NEB: variants seen among roughly 807,000 people sequenced by gnomAD.
NEB encodes nebulin.
A neutral mutation model predicts 952.2 loss-of-function variants in NEB; 512 were observed. The ratio of observed to expected loss-of-function variants is 0.54; its 90% confidence interval spans 0.50 to 0.58. NEB has a LOEUF of 0.58. Among genes scored for constraint, NEB ranks in the 20% least tolerant of loss-of-function variants. The pLI, the probability that NEB is intolerant of heterozygous loss-of-function variation, is 0.00. For synonymous variants in NEB, 2,900 were observed against 3,149.8 expected, an observed-to-expected ratio of 0.92 and a Z score of 2.66; for missense variants, 8,428 against 9,231.1, an observed-to-expected ratio of 0.91 and a Z score of 3.56.
rs201071685 is a variant in NEB at position 151,548,376 on chromosome 2, C to T, written c.20089G>A (p.Gly6697Arg). 6.4e-4 allele frequency: 1,036 copies of T among 1,613,748 alleles called. 15 individuals carry two copies. The South Asian group carries it at 0.011, about 17-fold the overall frequency. The change falls in exon 131 of 182, where the codon GGG (glycine) becomes AGG (arginine). Residue 6697 changes from glycine to arginine, a missense_variant. Coordinates refer to ENST00000397345, the MANE Select transcript of NEB (RefSeq NM_001164508.2). ...KEAYEHTKAY[G>R]YTLGPKDVPF... is the part of the protein sequence containing the mutation. ...ACATCTTTGGGGCCAAGTGTATACC[C>T]ATATGCCTTGGTGTGTTCATAGGCT... is the stretch of plus-strand genomic sequence containing the variant.
intron 72 of NEB, among the ~76,000 whole-genome samples, chr2:151,620,230 A>C (rs2098364978): frequency 6.6e-6 from 1 of 151,244 alleles, no homozygotes; most frequent in Non-Finnish European, 1.5e-5. Context: ...TAAGTTTTAC[A>C]AGATGAAAAT....
intron 81 of NEB, among the ~76,000 whole-genome samples, chr2:151,609,533 C>A (rs1172557943): frequency 6.6e-6 from 1 of 152,198 alleles, no homozygotes; most frequent in African/African-American, 2.4e-5. Context: ...TGGCAATTGA[C>A]CCAAGGAAAT....
At chr2:151,716,121 A>G (rs1203346417) in intron 10 of NEB, 1 of 431,198 alleles carries the variant, frequency 2.3e-6, no homozygotes, top group East Asian at 7.1e-5. Context: ...CAATATCAAC[A>G]CTTTCTTTCT....
chr2:151,630,436 T>C (rs1288451757), intron 67 of NEB, among the ~76,000 whole-genome samples: 1 of 152,184 alleles, frequency 6.6e-6, no homozygotes, highest in Non-Finnish European at 1.5e-5. Context: ...GCAGAAATAA[T>C]GGGCCAGTAT....
At position 151,633,854 on chromosome 2, in the gene NEB, C is replaced by G. The variant is rs2098711622; in HGVS notation, c.9214G>C (p.Asp3072His). 1.2e-6 allele frequency: 2 copies of G among 1,614,036 alleles called. No individual in the cohort carries two copies. The highest frequency in any genetic ancestry group is 1.7e-6 in the Non-Finnish European group (2 of 1,179,892). The change falls in exon 65 of 182, where the codon GAC (aspartate) becomes CAC (histidine). Residue 3072 changes from aspartate (D) to histidine (H), a missense_variant. This residue lies in a region of NEB where 1,772 missense variants were observed against 1,960.3 expected (regional missense o/e 0.90). Transcript: ENST00000397345. ...TCAAAGTCCTTTTTGTACTCCCTGTCACTCTGGATCTTGGCTACGTGCATG... is the reference window on the plus strand; with the variant it reads ...TCAAAGTCCTTTTTGTACTCCCTGTGACTCTGGATCTTGGCTACGTGCATG... ...WSMHVAKIQS[D>H]REYKKDFEKW... is the part of the protein sequence containing the mutation.
In NEB at chr2:151,546,275, C is replaced by G. The variant is rs1377279109; in HGVS notation, c.20466+70G>C. 26 of 1,239,402 alleles carry G rather than the reference C, an allele frequency of 2.1e-5. No homozygotes were observed. The East Asian group carries it at 5.8e-4, about 28-fold the overall frequency. 76.8% of individuals were successfully genotyped at this position (1,239,402 alleles called of 1,614,324 possible). A position where few individuals can be genotyped will look rare whatever the true frequency, so the allele number is the denominator to read the frequency against. ...CAGGCTAAGATCCCTTCTGCCTAGC[C>G]CTGGAGGCTGGTGATGGGGGCATCC... is the stretch of plus-strand genomic sequence containing the variant. On this transcript the variant is annotated intron_variant, in intron 134 of 181. Transcript: ENST00000397345.
At chr2:151,626,845 C>G (rs1030618767) in intron 70 of NEB, among the ~76,000 whole-genome samples, 157 bp downstream of exon 70, 2 of 152,154 alleles carry the variant, frequency 1.3e-5, no homozygotes, top group Admixed American at 6.5e-5. Context: ...AGAAATGCTC[C>G]CATATATTGT....
chr2:151,685,455 A>G (rs528631745), intron 27 of NEB, among the ~76,000 whole-genome samples: 2 of 152,316 alleles, frequency 1.3e-5, no homozygotes, highest in African/African-American at 2.4e-5. Flanking sequence ...TGGATAGTCA[A>G]CTGGTTTTTT....
At chr2:151,681,795 T>C (rs1006539679) in intron 29 of NEB, among the ~76,000 whole-genome samples, 1 of 152,254 alleles carries the variant, frequency 6.6e-6, no homozygotes, top group Admixed American at 6.5e-5. Context: ...TCACTATTTT[T>C]TCTTACACTG....
chr2:151,533,174 T>G (rs2092183846), intron 143 of NEB, among the ~76,000 whole-genome samples: 1 of 152,230 alleles, frequency 6.6e-6, no homozygotes, highest in South Asian at 2.1e-4. Context: ...AAGTATAAAT[T>G]AATGTTATAC....
At position 151,512,837 on chromosome 2, in the gene NEB, T is replaced by C. The variant is rs767590150; in HGVS notation, c.23242A>G (p.Ile7748Val). The change falls in exon 161 of 182, where the codon ATT (isoleucine) becomes GTT (valine). Residue 7748 changes from isoleucine to valine, a missense_variant and splice_region_variant. By Grantham distance (29) the Ile-to-Val change is conservative. Around this residue, in one of 11 missense-constraint regions of NEB, gnomAD observed 3,374 missense variants for 3,651.5 expected, o/e 0.92. Coordinates refer to ENST00000397345, the MANE Select transcript of NEB (RefSeq NM_001164508.2). ...ARNATDIASQ[I>V]KYKQSAEMEK... is the part of the protein sequence containing the mutation. The stretch of plus-strand genomic sequence containing the variant: ...ATTTCTGCTGATTGCTTATACTTAA[T>C]CTGTAAAACAACACCGAATAGTTGG... 2 of 1,602,552 alleles carry C rather than the reference T, an allele frequency of 1.2e-6. No individual in the cohort carries two copies. The highest frequency in any genetic ancestry group is 2.2e-5 in the South Asian group (2 of 90,268).
In NEB at chr2:151,537,994, A is replaced by G. The variant is rs768309548; in HGVS notation, c.20998-18T>C. On this transcript the variant is annotated intron_variant, in intron 139 of 181. Coordinates refer to ENST00000397345, the MANE Select transcript of NEB (RefSeq NM_001164508.2). ...TATTTTATCTGTTATAAAAAACACA[A>G]AGACAGCTGTAAGTCTTACCCAAAG... The G allele has an allele frequency of 1.3e-6, 2 of 1,597,324 alleles. No individual in the cohort carries two copies. Among genetic ancestry groups the G allele is most frequent in the South Asian group, 2.2e-5 (2 of 90,296 alleles).
At chr2:151,539,746 T>C (rs771622235) in intron 138 of NEB, among the ~76,000 whole-genome samples, 34 of 152,216 alleles carry the variant, frequency 2.2e-4, no homozygotes, top group Admixed American at 2.2e-3. Context: ...TTGTGTGATA[T>C]GGAAAATGAA....
chr2:151,610,038 C>T lies in NEB; in HGVS notation c.12101G>A (p.Cys4034Tyr), dbSNP rs2097889084. 6.2e-7 allele frequency: 1 copy of T among 1,613,806 alleles called. No individual in the cohort carries two copies. The highest frequency in any genetic ancestry group is 8.5e-7 in the Non-Finnish European group (1 of 1,179,820). ...TTGAATTTTTCCTGCATGTATGGCACACATAATCTTGGGATCATCTTCAAT... is the reference window on the plus strand; with the variant it reads ...TTGAATTTTTCCTGCATGTATGGCATACATAATCTTGGGATCATCTTCAAT... ...QSIEDDPKIM[C>Y]AIHAGKIQSE... Residue 4034 changes from cysteine to tyrosine, a missense_variant, in exon 81 of 182, where the codon TGT becomes TAT. By Grantham distance (194) the Cys-to-Tyr change is radical. Around this residue, in one of 11 missense-constraint regions of NEB, gnomAD observed 337 missense variants for 297.5 expected, o/e 1.13. Coordinates refer to ENST00000397345, the MANE Select transcript of NEB (RefSeq NM_001164508.2).
At position 151,617,385 on chromosome 2, in the gene NEB, G is replaced by T; in HGVS notation, c.11160C>A (p.Leu3720=). 1 of 1,560,188 alleles carries T rather than the reference G, an allele frequency of 6.4e-7. No individual in the cohort carries two copies. The highest frequency in any genetic ancestry group is 8.7e-7 in the Non-Finnish European group (1 of 1,148,700). ...TTACATCACTGTAGTTTATTCGGTT[G>T]AGTTTGGCTAACATGATTTCTGGTG... ...PDTPEIMLAK[L]NRINYSDKLY... Residue 3720 remains leucine (L), a synonymous_variant, in exon 75 of 182, where the codon CTC becomes CTA. Transcript: ENST00000397345.
intron 155 of NEB, 65 bp from the exon 156 acceptor site, chr2:151,518,487 CT>C: frequency 2.0e-6 from 2 of 1,020,452 alleles, no homozygotes; most frequent in Non-Finnish European, 3.1e-6. Context: ...TATTTTTCCT[CT>C]TTAGATTAGA....
At chr2:151,609,134 G>C (rs766633422) in intron 81 of NEB, among the ~76,000 whole-genome samples, 46 of 149,854 alleles carry the variant, frequency 3.1e-4, no homozygotes, top group Non-Finnish European at 6.1e-4. Context: ...TTTTTTTAAG[G>C]GATGGAGTGC....
chr2:151,576,223 G>C lies in NEB; in HGVS notation c.16836C>G (p.Asn5612Lys), dbSNP rs1375768108. 1.9e-6 allele frequency: 3 copies of C among 1,611,282 alleles called. No homozygotes were observed. ...TGTCAACAATGCTTGTGTACTTAAG[G>C]TTCACCACAGGCGTCCGATAGACAC... is the stretch of plus-strand genomic sequence containing the variant. ...CDSVYRTPVV[N>K]LKYTSIVDTP... Residue 5612 changes from asparagine (N) to lysine (K), a missense_variant, in exon 106 of 182, where the codon AAC becomes AAG. Physicochemically the swap from Asn to Lys is moderately conservative, Grantham distance 94. Coordinates refer to ENST00000397345, the MANE Select transcript of NEB (RefSeq NM_001164508.2).
In NEB at chr2:151,692,316, T is replaced by C. The variant is rs2099558684; in HGVS notation, c.1943A>G (p.Asn648Ser). The C allele has an allele frequency of 6.2e-7, 1 of 1,613,654 alleles. No homozygotes were observed. The highest frequency in any genetic ancestry group is 8.5e-7 in the Non-Finnish European group (1 of 1,179,702). ...NYEKTKAKSMNYCETPKYQLD... is the reference protein window; with the variant it reads ...NYEKTKAKSMSYCETPKYQLD... ...TTGATATTTTGGGGTCTCACAGTAATTCATACTCTTTGCCTTTGTCTTCTC... is the reference window on the plus strand; with the variant it reads ...TTGATATTTTGGGGTCTCACAGTAACTCATACTCTTTGCCTTTGTCTTCTC... The change falls in exon 21 of 182, where the codon AAT becomes AGT. Residue 648 changes from asparagine (N) to serine (S), a missense_variant. By Grantham distance (46) the Asn-to-Ser change is conservative. This residue lies in a region of NEB where 2,851 missense variants were observed against 2,791.5 expected (regional missense o/e 1.02). Transcript: ENST00000397345.
Sources: allele counts gnomAD v4.1 joint callset (sites outside exome capture counted in the v4.1 genomes callset), GRCh38; gene constraint gnomAD v4.1.1; regional missense constraint gnomAD v4.1.1; transcripts MANE v1.5; gene names NCBI Gene and HGNC (gene_info 2026-07-23, HGNC 2026-07-21).